Variants in MYSM1 observed in about 807,000 individuals in gnomAD.
MYSM1 encodes the protein Myb like, SWIRM and MPN domains 1.
Under a neutral mutation model 116.0 loss-of-function variants are expected in MYSM1, and 51 were observed. The observed-to-expected ratio is 0.44, with a 90% CI of 0.35 to 0.56. MYSM1 has a LOEUF of 0.56. Among genes scored for constraint, MYSM1 ranks in the 20% least tolerant of loss-of-function variants. The pLI is 0.00. For synonymous variants in MYSM1, 313 were observed against 315.2 expected (o/e 0.99, Z 0.07); for missense variants, 900 against 974.9 (o/e 0.92, Z 1.02).
At chr1:58,662,213 G>A (rs748278065) in intron 17 of MYSM1, among the ~76,000 whole-genome samples, 2 of 151,978 alleles carry the variant, frequency 1.3e-5, no homozygotes, top group East Asian at 1.9e-4. Context: ...AAAGAAAGAA[G>A]CCCAAGGGGT....
chr1:58,679,175 A>G (rs1644701113), intron 8 of MYSM1, among the ~76,000 whole-genome samples: 1 of 150,878 alleles, frequency 6.6e-6, no homozygotes, highest in African/African-American at 2.4e-5. Flanking sequence ...TAACTCTTCT[A>G]TTTTTTTTTA....
intron 12 of MYSM1, among the ~76,000 whole-genome samples, chr1:58,670,559 A>T (rs1644545173): frequency 6.6e-6 from 1 of 152,238 alleles, no homozygotes; most frequent in African/African-American, 2.4e-5. Flanking sequence ...AGTAGACCTT[A>T]TTGTAGACAC....
At chr1:58,668,461 T>C in intron 14 of MYSM1, 171 bp downstream of exon 14, 1 of 1,352,598 alleles carries the variant, frequency 7.4e-7, no homozygotes, top group Non-Finnish European at 9.5e-7. Flanking sequence ...TATGGAAACA[T>C]GCAATTGTTT....
chr1:58,682,685 CTTTTTTTTCTTTTCTTTT>C, intron 7 of MYSM1, 140 bp from the exon 8 acceptor site: 6 of 332,368 alleles, frequency 1.8e-5, no homozygotes, highest in Non-Finnish European at 1.8e-5. Flanking sequence ...ATGCGCTTTT[CTTTTTTTTCTTTTCTTTT>C]TTTTTTTTTT....
At chr1:58,696,438 G>A (rs748748986) in intron 1 of MYSM1, among the ~76,000 whole-genome samples, 19 of 152,030 alleles carry the variant, frequency 1.2e-4, no homozygotes, top group Non-Finnish European at 2.4e-4. Context: ...CTCTTCTATT[G>A]TTCACCATCT....
rs7525365 is a variant in MYSM1 at position 58,661,521 on chromosome 1, C to T, written c.2165-10G>A. On this transcript the variant is annotated splice_polypyrimidine_tract_variant and intron_variant, in intron 17 of 19. Transcript: ENST00000472487. ...AATTTGTAAGGTAAGCCTAGAAAAGCATAAAGAAGCACATTGTCATCAACT... is the reference window on the plus strand; with the variant it reads ...AATTTGTAAGGTAAGCCTAGAAAAGTATAAAGAAGCACATTGTCATCAACT... 0.28 allele frequency: 409,042 copies of T among 1,442,968 alleles called. 59,098 individuals are homozygous for T. Among genetic ancestry groups the T allele is most frequent in the Middle Eastern group, 0.34 (1,937 of 5,624 alleles). The allele number at this position is 1,442,968 out of a possible 1,614,324, so 89.4% of individuals were successfully genotyped here. A position where few individuals can be genotyped will look rare whatever the true frequency, so the allele number is the denominator to read the frequency against.
intron 9 of MYSM1, among the ~76,000 whole-genome samples, chr1:58,676,147 G>A (rs116375857): frequency 0.026 from 3,910 of 152,198 alleles, 73 homozygotes; most frequent in Non-Finnish European, 0.038. Context: ...GGTCAGGCGC[G>A]GTGGCTCACG....
rs187271965 is a variant in MYSM1, at chr1:58,659,721, C to T, written c.*276G>A. 2.0e-4 allele frequency: 45 copies of T among 226,016 alleles called. No homozygotes were observed. The highest frequency in any genetic ancestry group is 8.1e-4 in the African/African-American group (36 of 44,358). The allele number at this position is 226,016 out of a possible 1,614,324, so 14.0% of individuals were successfully genotyped here. A position where few individuals can be genotyped will look rare whatever the true frequency, so the allele number is the denominator to read the frequency against. ...CCCAAGCTGAACACAACAGTAAAGC[C>T]GACCAGGTTGCTTAGTTTCACAGCC... On this transcript the variant is annotated 3_prime_UTR_variant, in exon 20 of 20. Transcript: ENST00000472487.
intron 12 of MYSM1, among the ~76,000 whole-genome samples, chr1:58,671,428 G>A (rs1644559137): frequency 1.3e-5 from 2 of 152,120 alleles, no homozygotes; most frequent in Admixed American, 6.6e-5. Flanking sequence ...GGCATCTGCA[G>A]GAAGAGGGAA....
At chr1:58,669,864 A>C (rs1644533957) in intron 12 of MYSM1, among the ~76,000 whole-genome samples, 1 of 150,508 alleles carries the variant, frequency 6.6e-6, no homozygotes, top group Admixed American at 6.6e-5. Context: ...AAAAAAAAAC[A>C]AAAAAGTGAA....
intron 11 of MYSM1, among the ~76,000 whole-genome samples, chr1:58,672,643 T>C (rs1030628158): frequency 5.3e-5 from 8 of 152,114 alleles, no homozygotes; most frequent in African/African-American, 1.9e-4. Context: ...TTTTCCAGAA[T>C]ATATCTAGTA....
intron 6 of MYSM1, among the ~76,000 whole-genome samples, chr1:58,686,882 C>T (rs964780066): frequency 6.6e-6 from 1 of 151,556 alleles, no homozygotes; most frequent in South Asian, 2.1e-4. Context: ...GTATGTGGTC[C>T]TAGCTACTCA....
At chr1:58,681,762 T>A (rs868004265) in intron 8 of MYSM1, 23 bp downstream of exon 8, 4 of 1,546,034 alleles carry the variant, frequency 2.6e-6, no homozygotes, top group Non-Finnish European at 3.5e-6. Context: ...TAAAACAACA[T>A]CTATAATGTA....
In MYSM1 at chr1:58,668,397, G is replaced by A. The variant is rs564609836; in HGVS notation, c.1767+235C>T. 1.9e-5 allele frequency: 24 copies of A among 1,237,760 alleles called. No homozygotes were observed. The African/African-American group carries it at 3.0e-4, about 16-fold the overall frequency. The allele number at this position is 1,237,760 out of a possible 1,614,324, so 76.7% of individuals were successfully genotyped here. The stretch of plus-strand genomic sequence containing the variant: ...ACATATATTAGAAACTTAAAATAGG[G>A]TTAATGATGGTAAACAGTCTGCAAA... On this transcript the variant is annotated intron_variant, in intron 14 of 19. Transcript: ENST00000472487.
chr1:58,685,336 AAACTT>A, intron 6 of MYSM1, 85 bp from the exon 7 acceptor site: 1 of 808,530 alleles, frequency 1.2e-6, no homozygotes, highest in Non-Finnish European at 1.9e-6. Flanking sequence ...AAAAAAAAAA[AAACTT>A]AAAAAAAAAT....
rs1269845715 is a variant in MYSM1 at position 58,654,946 on chromosome 1, G to A, written c.*5051C>T. On this transcript the variant is annotated 3_prime_UTR_variant, in exon 20 of 20. Transcript: ENST00000472487. ...TTTAAATACAGACATATACAACATGGCATATTTAAATGTACAAAATAGTTG... is the reference window on the plus strand; with the variant it reads ...TTTAAATACAGACATATACAACATGACATATTTAAATGTACAAAATAGTTG... 1 of 151,964 alleles carries A rather than the reference G, an allele frequency of 6.6e-6. No individual in the cohort carries two copies. Among genetic ancestry groups the A allele is most frequent in the Non-Finnish European group, 1.5e-5 (1 of 67,984 alleles). The allele number at this position is 151,964 out of a possible 1,614,324, so 9.4% of individuals were successfully genotyped here. A position where few individuals can be genotyped will look rare whatever the true frequency, so the allele number is the denominator to read the frequency against.
chr1:58,663,460 AGTACT>A (rs888627522), intron 17 of MYSM1, among the ~76,000 whole-genome samples: 47 of 152,346 alleles, frequency 3.1e-4, no homozygotes, highest in African/African-American at 1.1e-3. Flanking sequence ...CTGAGTTAAA[AGTACT>A]GTAGCACAAG....
chr1:58,662,198 G>A (rs1644402672), intron 17 of MYSM1, among the ~76,000 whole-genome samples: 1 of 151,886 alleles, frequency 6.6e-6, no homozygotes, highest in Admixed American at 6.6e-5. Context: ...ACTAAACTCT[G>A]GAGGAAAGAA....
intron 5 of MYSM1, 68 bp from the exon 6 acceptor site, chr1:58,689,184 AGG>A (rs1644869692): frequency 8.3e-7 from 1 of 1,198,700 alleles, no homozygotes; most frequent in Non-Finnish European, 1.2e-6. Flanking sequence ...ATGTAACTAA[AGG>A]TTATAGATAG....
Sources: gnomAD v4.1 joint callset for allele counts (sites outside exome capture counted in the v4.1 genomes callset) on GRCh38, gnomAD v4.1.1 for gene constraint, MANE v1.5 for transcripts, NCBI Gene and HGNC (gene_info 2026-07-23, HGNC 2026-07-21) for gene names.